MICU2: variants seen among roughly 807,000 people sequenced by gnomAD.
MICU2 encodes mitochondrial calcium uptake 2, also known as calcium uptake protein 2, mitochondrial.
MICU2 carries 64 observed loss-of-function variants against 60.4 expected under a neutral mutation model. The observed-to-expected ratio is 1.06, with a 90% CI of 0.87 to 1.31. The LOEUF (loss-of-function observed/expected upper bound fraction) is 1.31. MICU2 is among the 50% of genes most tolerant of loss of function. MICU2 has a pLI of 0.00. For synonymous variants in MICU2, 201 were observed against 175.0 expected, an observed-to-expected ratio of 1.15 and a Z score of -1.17; for missense variants, 569 against 531.0, an observed-to-expected ratio of 1.07 and a Z score of -0.70.
chr13:21,549,771 T>C (rs755416995), intron 2 of MICU2, among the ~76,000 whole-genome samples: 21 of 152,044 alleles, frequency 1.4e-4, no homozygotes, highest in Non-Finnish European at 2.5e-4. Flanking sequence ...CAACTGAACA[T>C]GGTGGAGAAA....
intron 1 of MICU2, among the ~76,000 whole-genome samples, chr13:21,586,212 T>C (rs1255363960): frequency 6.6e-6 from 1 of 152,242 alleles, no homozygotes; most frequent in Non-Finnish European, 1.5e-5. Context: ...ATCCCTCTGA[T>C]GATTACAGAT....
chr13:21,525,426 C>T (rs1357814340), intron 4 of MICU2, among the ~76,000 whole-genome samples: 16 of 151,780 alleles, frequency 1.1e-4, no homozygotes, highest in Admixed American at 6.6e-5. Flanking sequence ...CTCCTGACCT[C>T]GTGATCTGCC....
intron 8 of MICU2, among the ~76,000 whole-genome samples, chr13:21,506,475 G>C (rs539557743): frequency 6.6e-6 from 1 of 152,210 alleles, no homozygotes; most frequent in South Asian, 2.1e-4. Flanking sequence ...TTTCAACTGG[G>C]TCCTTGACCC....
At chr13:21,589,159 TGCAAGGTCTGACTTCTCTAC>T (rs1427750905) in intron 1 of MICU2, among the ~76,000 whole-genome samples, 1 of 152,220 alleles carries the variant, frequency 6.6e-6, no homozygotes, top group Non-Finnish European at 1.5e-5. Context: ...ACAAAGGTAC[TGCAAGGTCTGACTTCTCTAC>T]CCAATGAGTT....
At chr13:21,507,916 TTTTC>T (rs997637050) in intron 8 of MICU2, among the ~76,000 whole-genome samples, 6 of 151,340 alleles carry the variant, frequency 4.0e-5, no homozygotes, top group African/African-American at 1.2e-4. Context: ...TTTCTTTTCT[TTTTC>T]TTTCTCTCTT....
chr13:21,549,784 T>C (rs1887507531), intron 2 of MICU2, among the ~76,000 whole-genome samples: 2 of 152,120 alleles, frequency 1.3e-5, no homozygotes, highest in Admixed American at 1.3e-4. Context: ...TGGAGAAATA[T>C]AACCACAAGT....
rs941340574 is a variant in MICU2 at position 21,521,419 on chromosome 13, G to A, written c.515-92C>T. The stretch of plus-strand genomic sequence containing the variant: ...TCTTCAAATTTGACATACACTAGCA[G>A]AAACTGTATGAGTAAGTGCCTACAC... On this transcript the variant is annotated intron_variant, in intron 5 of 11. Coordinates refer to ENST00000382374, the MANE Select transcript of MICU2 (RefSeq NM_152726.3). 3 of 886,162 alleles carry A rather than the reference G, an allele frequency of 3.4e-6. No individual in the cohort carries two copies. The African/African-American group carries it at 5.1e-5, about 15-fold the overall frequency. 54.9% of individuals were successfully genotyped at this position (886,162 alleles called of 1,614,324 possible). A position where few individuals can be genotyped will look rare whatever the true frequency, so the allele number is the denominator to read the frequency against.
chr13:21,558,780 T>C (rs1003436958), intron 2 of MICU2, among the ~76,000 whole-genome samples: 6 of 152,026 alleles, frequency 3.9e-5, no homozygotes, highest in African/African-American at 1.5e-4. Flanking sequence ...TTCTTAGGGG[T>C]ACAAGGCCCA....
rs565459817 is a variant in MICU2 at position 21,510,117 on chromosome 13, C to A, written c.664-16G>T. The A allele has an allele frequency of 1.6e-6, 2 of 1,272,524 alleles. No individual in the cohort carries two copies. Among genetic ancestry groups the A allele is most frequent in the Non-Finnish European group, 2.1e-6 (2 of 948,924 alleles). The allele number at this position is 1,272,524 out of a possible 1,614,324, so 78.8% of individuals were successfully genotyped here. A position where few individuals can be genotyped will look rare whatever the true frequency, so the allele number is the denominator to read the frequency against. ...CTATTGCTTCCTATTAAAAAAATCA[C>A]AATAATTTAAAATAATTATAAATAA... On this transcript the variant is annotated splice_polypyrimidine_tract_variant and intron_variant, in intron 7 of 11. Transcript: ENST00000382374.
At chr13:21,556,453 T>C (rs1265531832) in intron 2 of MICU2, among the ~76,000 whole-genome samples, 2 of 152,214 alleles carry the variant, frequency 1.3e-5, no homozygotes, top group African/African-American at 4.8e-5. Context: ...AAACTCATTT[T>C]TGAGATCTCA....
chr13:21,593,085 T>G (rs1359095458), intron 1 of MICU2, among the ~76,000 whole-genome samples: 3 of 152,180 alleles, frequency 2.0e-5, no homozygotes, highest in Admixed American at 6.5e-5. Context: ...TTGTCTCTGT[T>G]TGCAGACAAC....
intron 8 of MICU2, among the ~76,000 whole-genome samples, chr13:21,503,607 A>G (rs1886230540): frequency 6.6e-6 from 1 of 152,222 alleles, no homozygotes; most frequent in Admixed American, 6.5e-5. Flanking sequence ...TAAAAACATA[A>G]TCTTTTTGAC....
At chr13:21,588,551 T>G (rs1408725652) in intron 1 of MICU2, among the ~76,000 whole-genome samples, 1 of 152,192 alleles carries the variant, frequency 6.6e-6, no homozygotes, top group Non-Finnish European at 1.5e-5. Flanking sequence ...GGAGGAAATT[T>G]AGCATTCCTT....
intron 2 of MICU2, among the ~76,000 whole-genome samples, chr13:21,540,906 A>G (rs1473912134): frequency 1.3e-5 from 2 of 152,136 alleles, no homozygotes; most frequent in African/African-American, 4.8e-5. Flanking sequence ...AAAACTGTGT[A>G]ATACATGTAT....
At chr13:21,594,845 A>C (rs569136183) in intron 1 of MICU2, among the ~76,000 whole-genome samples, 1 of 152,244 alleles carries the variant, frequency 6.6e-6, no homozygotes, top group Non-Finnish European at 1.5e-5. Flanking sequence ...CCATGGATGC[A>C]GAGAAGGGAA....
At position 21,567,066 on chromosome 13, in the gene MICU2, T is replaced by C. The variant is rs996496172; in HGVS notation, c.211-122A>G. ...GACAATCCCCAAACTTTTAAAATCA[T>C]TCATTTAACAAATATTAACTGAGTG... On this transcript the variant is annotated intron_variant, in intron 1 of 11. Coordinates refer to ENST00000382374, the MANE Select transcript of MICU2 (RefSeq NM_152726.3). 8.8e-6 allele frequency: 7 copies of C among 799,178 alleles called. No homozygotes were observed. In the East Asian group the frequency reaches 1.9e-4, roughly 22 times the overall value. 49.5% of individuals were successfully genotyped at this position (799,178 alleles called of 1,614,324 possible).
intron 8 of MICU2, among the ~76,000 whole-genome samples, chr13:21,506,418 A>G (rs546354647): frequency 5.6e-4 from 86 of 152,314 alleles, no homozygotes; most frequent in Middle Eastern, 3.4e-3. Context: ...AAACCATACT[A>G]TAACTAACTG....
At chr13:21,572,592 T>C (rs1413347829) in intron 1 of MICU2, among the ~76,000 whole-genome samples, 2 of 152,248 alleles carry the variant, frequency 1.3e-5, no homozygotes, top group African/African-American at 2.4e-5. Flanking sequence ...AAAGTTATAA[T>C]TGGCATGTCC....
chr13:21,507,483 CAAG>C (rs1315693052), intron 8 of MICU2, among the ~76,000 whole-genome samples: 6 of 151,684 alleles, frequency 4.0e-5, no homozygotes, highest in African/African-American at 9.7e-5. Flanking sequence ...TTTAAATATA[CAAG>C]AAGAGGTATG....
Sources: allele counts gnomAD v4.1 joint callset (sites outside exome capture counted in the v4.1 genomes callset), GRCh38; gene constraint gnomAD v4.1.1; transcripts MANE v1.5; gene names NCBI Gene and HGNC (gene_info 2026-07-23, HGNC 2026-07-21).